The following ZFHX4 variants were observed in gnomAD, a reference collection of about 807,000 sequenced individuals.
ZFHX4 encodes the protein zinc finger homeobox 4.
A neutral mutation model predicts 267.6 loss-of-function variants in ZFHX4; 56 were observed. That is an observed-to-expected ratio of 0.21 (90% CI 0.17 to 0.26). ZFHX4 has a LOEUF of 0.26. ZFHX4 is among the 10% of genes least tolerant of loss of function. The probability of loss-of-function intolerance (pLI) is 1.00; values close to 1 mark genes in which losing one functional copy is unlikely to be tolerated. For synonymous variants in ZFHX4, 1,778 were observed against 1,665.6 expected (o/e 1.07, Z -1.64); for missense variants, 4,332 against 4,420.0 (o/e 0.98, Z 0.56).
intron 3 of ZFHX4, among the ~76,000 whole-genome samples, chr8:76,741,366 G>T (rs1758714642): frequency 6.6e-6 from 1 of 152,106 alleles, no homozygotes. Context: ...TGTTAGGGGA[G>T]AAAATAAAAA....
Position 76,851,859 on chromosome 8 carries a change from C to T in ZFHX4, c.4938C>T (p.Gly1646=), listed in dbSNP as rs773016228. Residue 1646 remains glycine, a synonymous_variant, in exon 10 of 11, where the codon GGC becomes GGT. Coordinates refer to ENST00000651372, the MANE Select transcript of ZFHX4 (RefSeq NM_024721.5). ...HSIAANVNSP[G]QGMLDSMSLA... ...TTGCAGCAAATGTCAACAGCCCTGG[C>T]CAGGGGATGTTAGATTCCATGAGTT... 6.2e-7 allele frequency: 1 copy of T among 1,613,924 alleles called. No individual in the cohort carries two copies. The highest frequency in any genetic ancestry group is 8.5e-7 in the Non-Finnish European group (1 of 1,179,848).
chr8:76,698,372 T>A (rs1808012846), intron 1 of ZFHX4, among the ~76,000 whole-genome samples: 1 of 151,972 alleles, frequency 6.6e-6, no homozygotes, highest in Non-Finnish European at 1.5e-5. Context: ...GTAGCTGGAG[T>A]TTGATTAAAG....
At chr8:76,735,068 T>A (rs924142360) in intron 3 of ZFHX4, among the ~76,000 whole-genome samples, 2 of 152,144 alleles carry the variant, frequency 1.3e-5, no homozygotes, top group Non-Finnish European at 2.9e-5. Flanking sequence ...AGATATAATG[T>A]GATTTCAGAA....
chr8:76,854,856 A>C lies in ZFHX4; in HGVS notation c.7935A>C (p.Lys2645Asn). The C allele has an allele frequency of 6.2e-7, 1 of 1,609,192 alleles. No individual in the cohort carries two copies. The highest frequency in any genetic ancestry group is 2.2e-5 in the East Asian group (1 of 44,806). The change falls in exon 10 of 11, where the codon AAA becomes AAC. Residue 2645 changes from lysine (K) to asparagine (N), a missense_variant. Lys to Asn is a moderately conservative substitution (Grantham distance 94). Coordinates refer to ENST00000651372, the MANE Select transcript of ZFHX4 (RefSeq NM_024721.5). ...LDHIAREVGL[K>N]KRVVQVWFQN... is the part of the protein sequence containing the mutation. ...ATATTGCCCGCGAAGTCGGGCTGAAAAAAAGGGTCGTGCAAGTCTGGTTCC... is the reference window on the plus strand; with the variant it reads ...ATATTGCCCGCGAAGTCGGGCTGAACAAAAGGGTCGTGCAAGTCTGGTTCC...
Position 76,704,608 on chromosome 8 carries a change from G to A in ZFHX4, c.520G>A (p.Gly174Arg), listed in dbSNP as rs2131605627. ...GTTCCTGGACTCCCTGGCATCTGCTGGAGAGAAGAGTGATCAGTCTGCTTC... is the reference window on the plus strand; with the variant it reads ...GTTCCTGGACTCCCTGGCATCTGCTAGAGAGAAGAGTGATCAGTCTGCTTC... Reference protein sequence around the residue: ...AMFLDSLASAGEKSDQSASAP... With the variant: ...AMFLDSLASAREKSDQSASAP... The change falls in exon 2 of 11, where the codon GGA becomes AGA. Residue 174 changes from glycine to arginine, a missense_variant. By Grantham distance (125) the Gly-to-Arg change is moderately radical (BLOSUM62 -2). Around this residue, in one of 7 missense-constraint regions of ZFHX4, gnomAD observed 1,195 missense variants for 1,173.6 expected, o/e 1.02. Coordinates refer to ENST00000651372, the MANE Select transcript of ZFHX4 (RefSeq NM_024721.5). 2 of 1,614,014 alleles carry A rather than the reference G, an allele frequency of 1.2e-6. No individual in the cohort carries two copies. The highest frequency in any genetic ancestry group is 4.5e-5 in the East Asian group (2 of 44,884).
intron 3 of ZFHX4, among the ~76,000 whole-genome samples, chr8:76,753,453 A>G (rs1379375478): frequency 6.6e-6 from 1 of 152,058 alleles, no homozygotes; most frequent in Non-Finnish European, 1.5e-5. Context: ...AAGGAAACAA[A>G]TTAGCCAAAA....
intron 3 of ZFHX4, among the ~76,000 whole-genome samples, chr8:76,717,023 C>G (rs541680140): frequency 6.6e-6 from 1 of 152,026 alleles, no homozygotes; most frequent in Non-Finnish European, 1.5e-5. Context: ...AGGGAATGTG[C>G]CTCCCTAAGC....
At position 76,708,881 on chromosome 8, in the gene ZFHX4, T is replaced by C. The variant is rs776024973; in HGVS notation, c.3093+833T>C. 3.3e-5 allele frequency among the ~76,000 whole-genome samples: 5 copies of C among 152,330 alleles called. No individual in the cohort carries two copies. The South Asian group carries it at 6.2e-4, about 19-fold the overall frequency. On this transcript the variant is annotated intron_variant, in intron 3 of 10. Coordinates refer to ENST00000651372, the MANE Select transcript of ZFHX4 (RefSeq NM_024721.5). The stretch of plus-strand genomic sequence containing the variant: ...TACAAATATAACACATTCATTACTA[T>C]GATGAATAACTTGGTAACTTATTAA...
chr8:76,835,266 C>A (rs1284132381), intron 5 of ZFHX4, among the ~76,000 whole-genome samples: 1 of 46,880 alleles, frequency 2.1e-5, no homozygotes, highest in African/African-American at 1.5e-4. Flanking sequence ...TATATTCATA[C>A]ATATATTTGT....
intron 3 of ZFHX4, among the ~76,000 whole-genome samples, chr8:76,758,477 A>G (rs889279957): frequency 6.6e-6 from 1 of 152,000 alleles, no homozygotes; most frequent in African/African-American, 2.4e-5. Flanking sequence ...TTATCATAAA[A>G]GAGTTTTTTT....
intron 1 of ZFHX4, among the ~76,000 whole-genome samples, chr8:76,698,644 A>C (rs1808019471): frequency 1.3e-5 from 2 of 152,082 alleles, no homozygotes; most frequent in African/African-American, 4.8e-5. Flanking sequence ...CAGAGAAGAA[A>C]ACAAATCTTC....
intron 3 of ZFHX4, among the ~76,000 whole-genome samples, chr8:76,710,128 T>G (rs1429854485): frequency 6.6e-6 from 1 of 152,214 alleles, no homozygotes; most frequent in South Asian, 2.1e-4. Context: ...CCTTGTTCAG[T>G]ACAATGTTTA....
In ZFHX4 at chr8:76,855,588, A is replaced by G. The variant is rs765751826; in HGVS notation, c.8667A>G (p.Thr2889=). ...DGDHDQSFYI[T]DDPDDNADRS... is the part of the protein sequence containing the mutation. ...ACCACGACCAAAGCTTTTACATCAC[A>G]GATGACCCGGATGACAACGCCGACC... The change falls in exon 10 of 11, where the codon ACA becomes ACG. Residue 2889 remains threonine, a synonymous_variant. Transcript: ENST00000651372. 2 of 1,613,920 alleles carry G rather than the reference A, an allele frequency of 1.2e-6. No individual in the cohort carries two copies. The highest frequency in any genetic ancestry group is 2.2e-5 in the South Asian group (2 of 91,086).
intron 3 of ZFHX4, among the ~76,000 whole-genome samples, chr8:76,727,731 T>C (rs1808890462): frequency 6.6e-6 from 1 of 152,238 alleles, no homozygotes; most frequent in Non-Finnish European, 1.5e-5. Flanking sequence ...TGGTTCCTAA[T>C]TGATTTTCTA....
At chr8:76,821,983 ATC>A (rs1811660815) in intron 4 of ZFHX4, among the ~76,000 whole-genome samples, 1 of 151,136 alleles carries the variant, frequency 6.6e-6, no homozygotes, top group East Asian at 1.9e-4. Flanking sequence ...CTGTTTCTCT[ATC>A]TCTCTCTCTG....
chr8:76,706,495 AAGCAGATCC>A lies in ZFHX4; in HGVS notation c.2412_2420del (p.Gln804_Gln806del). On this transcript the variant is annotated inframe_deletion, in exon 2 of 11. Transcript: ENST00000651372. ...TATGATGCTTTTGCAGCAGAACATG[AAGCAGATCC>A]AGCATAATCTGCACTTGGGCCTCGC... 1 of 1,613,940 alleles carries A rather than the reference AAGCAGATCC, an allele frequency of 6.2e-7. No homozygotes were observed. The highest frequency in any genetic ancestry group is 8.5e-7 in the Non-Finnish European group (1 of 1,179,884).
intron 3 of ZFHX4, among the ~76,000 whole-genome samples, chr8:76,713,366 C>G (rs1421655980): frequency 6.6e-6 from 1 of 151,996 alleles, no homozygotes; most frequent in Non-Finnish European, 1.5e-5. Flanking sequence ...TGACTAAGAC[C>G]AGGCATTAGC....
intron 4 of ZFHX4, among the ~76,000 whole-genome samples, chr8:76,810,558 A>G (rs913803936): frequency 6.6e-6 from 1 of 152,182 alleles, no homozygotes; most frequent in African/African-American, 2.4e-5. Context: ...GAAGCCAAGC[A>G]GTGACTGGGA....
At chr8:76,785,545 T>C (rs951736615) in intron 4 of ZFHX4, among the ~76,000 whole-genome samples, 6 of 152,176 alleles carry the variant, frequency 3.9e-5, no homozygotes, top group Non-Finnish European at 7.4e-5. Flanking sequence ...GCTCTTCTTT[T>C]CTGAGAAGCG....
Sources: gnomAD v4.1 joint callset for allele counts (sites outside exome capture counted in the v4.1 genomes callset) on GRCh38, gnomAD v4.1.1 for gene constraint, gnomAD v4.1.1 regional missense constraint, MANE v1.5 for transcripts, NCBI Gene and HGNC (gene_info 2026-07-23, HGNC 2026-07-21) for gene names.